The following FAM178B variants were observed in gnomAD, a reference collection of about 807,000 sequenced individuals.
FAM178B encodes protein FAM178B.
FAM178B carries 82 observed loss-of-function variants against 91.7 expected under a neutral mutation model. The observed-to-expected ratio is 0.89, with a 90% confidence interval of 0.75 to 1.07. The LOEUF is 1.07. Ranked by LOEUF, FAM178B falls within the 50% of genes least tolerant of loss-of-function variation. FAM178B has a pLI of 0.00. For missense variants in FAM178B, 769 were observed against 846.7 expected (o/e 0.91, Z 1.14); for synonymous variants, 368 against 359.4 (o/e 1.02, Z -0.27).
Position 96,923,611 on chromosome 2 carries a change from G to A in FAM178B, c.1194-28C>T, listed in dbSNP as rs1434140282. On this transcript the variant is annotated intron_variant, in intron 9 of 16. Coordinates refer to ENST00000490605, the MANE Select transcript of FAM178B (RefSeq NM_001122646.3). Reference sequence around the variant, plus strand: ...GTGGTAAGACAACAACAGTGACGATGGGAAACCCAGGAGGGGGCACAGGGG... The same window carrying A: ...GTGGTAAGACAACAACAGTGACGATAGGAAACCCAGGAGGGGGCACAGGGG... 2.0e-6 allele frequency: 3 copies of A among 1,532,520 alleles called. No homozygotes were observed. In the Admixed American group the frequency reaches 5.9e-5, roughly 30 times the overall value. The allele number at this position is 1,532,520 out of a possible 1,614,324, so 94.9% of individuals were successfully genotyped here.
At chr2:96,916,716 C>A (rs967767632) in intron 12 of FAM178B, among the ~76,000 whole-genome samples, 1 of 152,190 alleles carries the variant, frequency 6.6e-6, no homozygotes, top group Non-Finnish European at 1.5e-5. Flanking sequence ...ATGGTTAGGC[C>A]CAGCTCTTCC....
At chr2:96,918,076 T>C (rs760661391) in intron 12 of FAM178B, among the ~76,000 whole-genome samples, 8 of 150,694 alleles carry the variant, frequency 5.3e-5, no homozygotes, top group Non-Finnish European at 1.2e-4. Context: ...CATGGAAAGA[T>C]TACATTACAC....
chr2:96,967,937 T>TTTTTTTTTTTTTTTTTTTTTTA (rs2082167287), intron 4 of FAM178B, among the ~76,000 whole-genome samples: 1 of 129,524 alleles, frequency 7.7e-6, no homozygotes, highest in African/African-American at 3.4e-5. Context: ...TTTTTTTTTT[T>TTTTTTTTTTTTTTTTTTTTTTA]TGATACCAGA....
At chr2:96,955,288 A>T (rs1030663395) in intron 6 of FAM178B, among the ~76,000 whole-genome samples, 5 of 152,174 alleles carry the variant, frequency 3.3e-5, no homozygotes, top group Non-Finnish European at 5.9e-5. Flanking sequence ...AGGTGGGAAG[A>T]TCATGAGGTC....
At chr2:96,933,182 G>T (rs2081570080) in intron 8 of FAM178B, among the ~76,000 whole-genome samples, 1 of 152,148 alleles carries the variant, frequency 6.6e-6, no homozygotes, top group African/African-American at 2.4e-5. Flanking sequence ...GGTGGAGGTT[G>T]CAGTTAGCCG....
At chr2:96,948,236 G>C (rs912241210) in intron 7 of FAM178B, among the ~76,000 whole-genome samples, 5 of 152,220 alleles carry the variant, frequency 3.3e-5, no homozygotes, top group Non-Finnish European at 7.3e-5. Flanking sequence ...TGTGGTCATA[G>C]CCATGCCCCT....
intron 13 of FAM178B, among the ~76,000 whole-genome samples, chr2:96,894,479 T>C (rs1380119264): frequency 3.1e-5 from 2 of 65,124 alleles, no homozygotes; most frequent in African/African-American, 6.4e-5. Flanking sequence ...AGACCCCACA[T>C]CCACACCCAC....
intron 10 of FAM178B, 35 bp downstream of exon 10, chr2:96,923,455 A>G: frequency 2.0e-6 from 3 of 1,488,236 alleles, no homozygotes; most frequent in Non-Finnish European, 2.8e-6. Flanking sequence ...CTGTAAGCCG[A>G]GAGTGCCCTG....
chr2:96,968,590 G>A (rs1309363041), intron 4 of FAM178B, among the ~76,000 whole-genome samples: 1 of 152,032 alleles, frequency 6.6e-6, no homozygotes, highest in African/African-American at 2.4e-5. Context: ...GTGATTTCTA[G>A]CTGAATGTGA....
At chr2:96,930,267 G>A (rs2081518371) in intron 8 of FAM178B, among the ~76,000 whole-genome samples, 1 of 143,346 alleles carries the variant, frequency 7.0e-6, no homozygotes, top group Admixed American at 7.0e-5. Flanking sequence ...AGCAAACAGG[G>A]AGAACCTTAC....
At chr2:96,981,377 C>T (rs1000692656) in intron 1 of FAM178B, among the ~76,000 whole-genome samples, 3 of 152,196 alleles carry the variant, frequency 2.0e-5, no homozygotes, top group Non-Finnish European at 2.9e-5. Flanking sequence ...TTATGAACCA[C>T]AAAGGATCAT....
intron 13 of FAM178B, among the ~76,000 whole-genome samples, chr2:96,902,416 T>G (rs970150884): frequency 6.6e-6 from 1 of 152,200 alleles, no homozygotes; most frequent in East Asian, 1.9e-4. Flanking sequence ...TACAATTTTT[T>G]AAAAAGACAG....
At chr2:96,883,809 AG>A (rs1159401993) in intron 14 of FAM178B, among the ~76,000 whole-genome samples, 3 of 152,110 alleles carry the variant, frequency 2.0e-5, no homozygotes, top group Admixed American at 6.6e-5. Context: ...ACCAGGAGCC[AG>A]GGGGGGTCCT....
chr2:96,885,416 C>T (rs189488074), intron 14 of FAM178B, among the ~76,000 whole-genome samples: 285 of 152,354 alleles, frequency 1.9e-3, no homozygotes, highest in Non-Finnish European at 3.3e-3. Flanking sequence ...CTCTTAAGTT[C>T]TATCTCTAGC....
At chr2:96,948,279 G>A (rs893247882) in intron 7 of FAM178B, among the ~76,000 whole-genome samples, 5 of 152,222 alleles carry the variant, frequency 3.3e-5, no homozygotes, top group African/African-American at 1.2e-4. Flanking sequence ...GGGAGAGAAA[G>A]CATGCCTGCA....
intron 5 of FAM178B, among the ~76,000 whole-genome samples, chr2:96,966,363 T>C (rs189880048): frequency 4.8e-4 from 73 of 152,186 alleles, no homozygotes; most frequent in African/African-American, 1.5e-3. Flanking sequence ...AAAGCCCACA[T>C]GATTAGAGCC....
chr2:96,918,156 A>T (rs1208629615), intron 12 of FAM178B, among the ~76,000 whole-genome samples: 2 of 152,076 alleles, frequency 1.3e-5, no homozygotes, highest in Non-Finnish European at 2.9e-5. Flanking sequence ...TCTAAAATAA[A>T]AAAAAAAAGG....
In FAM178B at chr2:96,985,690, C is replaced by G. The variant is rs1456143098; in HGVS notation, c.73+551G>C. ...TGCGAATACTGCTTTTTCAAGACGCCTTATTCCTAACATCATGTTTTATAT... is the reference window on the plus strand; with the variant it reads ...TGCGAATACTGCTTTTTCAAGACGCGTTATTCCTAACATCATGTTTTATAT... On this transcript the variant is annotated intron_variant, in intron 1 of 16. Transcript: ENST00000490605. Among the ~76,000 whole-genome samples, 5 of 145,550 alleles carry G rather than the reference C, an allele frequency of 3.4e-5. No individual in the cohort carries two copies. In the East Asian group the frequency reaches 1.0e-3, roughly 30 times the overall value.
intron 13 of FAM178B, among the ~76,000 whole-genome samples, chr2:96,897,391 C>T (rs11694296): frequency 0.23 from 34,761 of 152,124 alleles, 5,314 homozygotes; most frequent in South Asian, 0.65. Flanking sequence ...CCTTTATCCC[C>T]GATTTGAGCC....
Sources: allele counts gnomAD v4.1 joint callset (sites outside exome capture counted in the v4.1 genomes callset), GRCh38; gene constraint gnomAD v4.1.1; transcripts MANE v1.5; gene names NCBI Gene and HGNC (gene_info 2026-07-23, HGNC 2026-07-21).